LRMDA: variants seen among roughly 807,000 people sequenced by gnomAD.
LRMDA encodes the protein leucine-rich melanocyte differentiation-associated protein.
In LRMDA, 18 loss-of-function variants were observed where a neutral mutation model predicts 29.8. The ratio of observed to expected loss-of-function variants is 0.60; its 90% CI spans 0.42 to 0.90. The LOEUF is 0.90. Ranked by LOEUF, LRMDA falls within the 40% of genes least tolerant of loss-of-function variation. The pLI is 0.00. For synonymous variants in LRMDA, 125 were observed against 109.4 expected (o/e 1.14, Z -0.89); for missense variants, 273 against 273.9 (o/e 1.00, Z 0.02).
Position 76,522,864 on chromosome 10 carries a change from A to G in LRMDA, c.602-34345A>G, listed in dbSNP as rs536761753. ...GGGCTCCCTTTTATCCTTAGTTGTA[A>G]GCCGCCTGAGCAGTTATATTATAAA... On this transcript the variant is annotated intron_variant, in intron 6 of 6. Transcript: ENST00000611255. Among the ~76,000 whole-genome samples, 61 of 152,218 alleles carry G rather than the reference A, an allele frequency of 4.0e-4. 1 individual carries two copies. The highest frequency in any genetic ancestry group is 1.5e-4 in the Non-Finnish European group (10 of 68,020).
intron 6 of LRMDA, among the ~76,000 whole-genome samples, chr10:76,447,108 A>C (rs1014608523): frequency 3.3e-5 from 5 of 150,930 alleles, no homozygotes. Flanking sequence ...TTATTTCCTC[A>C]CTACTGCCTT....
intron 6 of LRMDA, among the ~76,000 whole-genome samples, chr10:76,401,814 G>A (rs1393050858): frequency 6.6e-6 from 1 of 152,082 alleles, no homozygotes; most frequent in Non-Finnish European, 1.5e-5. Context: ...CAGACAAACA[G>A]GAAAAGCTTT....
chr10:75,483,746 A>G (rs1459422230), intron 2 of LRMDA, among the ~76,000 whole-genome samples: 1 of 152,144 alleles, frequency 6.6e-6, no homozygotes, highest in Non-Finnish European at 1.5e-5. Context: ...AAAGTTTTTC[A>G]ATTCTCCTGG....
intron 5 of LRMDA, among the ~76,000 whole-genome samples, chr10:76,102,030 G>T (rs896041795): frequency 3.9e-5 from 6 of 152,028 alleles, no homozygotes; most frequent in Non-Finnish European, 8.8e-5. Flanking sequence ...TACAATATGT[G>T]ACTTTTTGTA....
intron 5 of LRMDA, among the ~76,000 whole-genome samples, chr10:76,255,343 T>C (rs1449342849): frequency 6.6e-6 from 1 of 152,210 alleles, no homozygotes; most frequent in Non-Finnish European, 1.5e-5. Context: ...CAAGGATTTA[T>C]GAGAGTGCTT....
rs141984994 is a variant in LRMDA, at chr10:76,502,148, A to G, written c.602-55061A>G. Reference sequence around the variant, plus strand: ...TTCCCATTGCCTATTTTTGTCAGCCATGTCAAAAATCAGATGGTTGTAGTT... The same window carrying G: ...TTCCCATTGCCTATTTTTGTCAGCCGTGTCAAAAATCAGATGGTTGTAGTT... On this transcript the variant is annotated intron_variant, in intron 6 of 6. Transcript: ENST00000611255. 4.6e-5 allele frequency among the ~76,000 whole-genome samples: 7 copies of G among 151,864 alleles called. No individual in the cohort carries two copies. In the East Asian group the frequency reaches 1.4e-3, roughly 30 times the overall value.
chr10:75,979,658 T>C (rs1847131568), intron 2 of LRMDA, among the ~76,000 whole-genome samples: 1 of 152,060 alleles, frequency 6.6e-6, no homozygotes, highest in Non-Finnish European at 1.5e-5. Context: ...TCTTCCCTTT[T>C]CCCCTTCTCT....
intron 2 of LRMDA, among the ~76,000 whole-genome samples, chr10:76,025,740 C>T (rs1379439901): frequency 6.6e-6 from 1 of 152,182 alleles, no homozygotes; most frequent in Admixed American, 6.5e-5. Flanking sequence ...AGCAGATGCT[C>T]AAAAGATTAG....
At chr10:75,981,808 C>T (rs1039063416) in intron 2 of LRMDA, among the ~76,000 whole-genome samples, 1 of 148,178 alleles carries the variant, frequency 6.7e-6, no homozygotes, top group African/African-American at 2.5e-5. Flanking sequence ...GCCGAGACCA[C>T]ACCACTGCAC....
intron 2 of LRMDA, among the ~76,000 whole-genome samples, chr10:75,494,360 G>C (rs537607526): frequency 6.6e-6 from 1 of 152,174 alleles, no homozygotes; most frequent in South Asian, 2.1e-4. Context: ...ATTAGGGTGT[G>C]GTGGTTTCCA....
chr10:76,482,046 C>T (rs1484694462), intron 6 of LRMDA, among the ~76,000 whole-genome samples: 3 of 151,890 alleles, frequency 2.0e-5, no homozygotes, highest in Non-Finnish European at 4.4e-5. Flanking sequence ...CAACACCACC[C>T]GTCTCTGCCT....
chr10:76,115,417 C>T (rs1053606841), intron 5 of LRMDA, among the ~76,000 whole-genome samples: 5 of 152,300 alleles, frequency 3.3e-5, no homozygotes, highest in South Asian at 2.1e-4. Context: ...GAAGCAGAGT[C>T]GTCGTCCTCC....
intron 2 of LRMDA, among the ~76,000 whole-genome samples, chr10:75,690,176 C>G (rs1044342518): frequency 6.6e-6 from 1 of 152,184 alleles, no homozygotes; most frequent in Non-Finnish European, 1.5e-5. Flanking sequence ...GTGGCATGAT[C>G]TTCCAGCTTT....
intron 2 of LRMDA, among the ~76,000 whole-genome samples, chr10:75,804,803 G>A (rs918230615): frequency 1.3e-5 from 2 of 152,196 alleles, no homozygotes; most frequent in Admixed American, 1.3e-4. Context: ...TGTATAAGCT[G>A]TTTTGAGTTT....
intron 2 of LRMDA, among the ~76,000 whole-genome samples, chr10:76,001,955 CAAG>C (rs1847570446): frequency 2.0e-5 from 3 of 152,006 alleles, no homozygotes; most frequent in South Asian, 2.1e-4. Context: ...CCTGAGGGCT[CAAG>C]AAGAACTGCC....
chr10:75,544,030 A>G (rs1840049276), intron 2 of LRMDA, among the ~76,000 whole-genome samples: 1 of 152,146 alleles, frequency 6.6e-6, no homozygotes, highest in Non-Finnish European at 1.5e-5. Context: ...CCAAGAACCA[A>G]CTTCAAAGGA....
intron 5 of LRMDA, among the ~76,000 whole-genome samples, chr10:76,308,195 CT>C: frequency 6.6e-6 from 1 of 152,290 alleles, no homozygotes; most frequent in Admixed American, 6.5e-5. Context: ...ACACCTTCAT[CT>C]ACTTGAACAT....
intron 5 of LRMDA, among the ~76,000 whole-genome samples, chr10:76,301,922 G>A (rs1840485651): frequency 6.6e-6 from 1 of 152,236 alleles, no homozygotes; most frequent in South Asian, 2.1e-4. Flanking sequence ...GGAGATCACA[G>A]TAGTTTTAGA....
chr10:76,041,674 C>T (rs532734435), intron 3 of LRMDA, among the ~76,000 whole-genome samples: 2 of 152,264 alleles, frequency 1.3e-5, no homozygotes, highest in South Asian at 4.1e-4. Context: ...CTTCCCTCCT[C>T]CCTCATGCTC....
Sources: allele counts gnomAD v4.1 joint callset (sites outside exome capture counted in the v4.1 genomes callset), GRCh38; gene constraint gnomAD v4.1.1; transcripts MANE v1.5; gene names NCBI Gene and HGNC (gene_info 2026-07-23, HGNC 2026-07-21).